POMGNT1: variants seen among roughly 807,000 people sequenced by gnomAD.
POMGNT1 encodes the protein protein O-linked mannose N-acetylglucosaminyltransferase 1 (beta 1,2-).
A neutral mutation model predicts 95.6 loss-of-function variants in POMGNT1; 67 were observed. The observed-to-expected ratio is 0.70, with a 90% CI of 0.58 to 0.86. The LOEUF is 0.86. POMGNT1 is among the 40% of genes least tolerant of loss of function. The pLI is 0.00. For synonymous variants in POMGNT1, 298 were observed against 317.9 expected (o/e 0.94, Z 0.66); for missense variants, 719 against 855.2 (o/e 0.84, Z 1.99).
chr1:46,214,845 G>A (rs567551956), intron 1 of POMGNT1, among the ~76,000 whole-genome samples: 1 of 138,654 alleles, frequency 7.2e-6, no homozygotes, highest in East Asian at 2.2e-4. Flanking sequence ...CCAGCCTGGG[G>A]GACAAGAGTG....
chr1:46,212,421 C>T (rs920625409), intron 1 of POMGNT1, among the ~76,000 whole-genome samples: 1 of 151,854 alleles, frequency 6.6e-6, no homozygotes, highest in African/African-American at 2.4e-5. Flanking sequence ...GCTGGGACTA[C>T]AGGCGTACAC....
upstream of POMGNT1, chr1:46,203,318 C>G (rs941939208): frequency 1.5e-5 from 13 of 869,338 alleles, no homozygotes; most frequent in African/African-American, 1.8e-5. Context: ...CCGCGCCGCG[C>G]GGGCGGGGAC....
At chr1:46,219,252 G>A (rs977684183) in intron 1 of POMGNT1, among the ~76,000 whole-genome samples, 20 of 149,956 alleles carry the variant, frequency 1.3e-4, no homozygotes, top group South Asian at 8.4e-4. Flanking sequence ...CTGAGATCGC[G>A]CCATTGCACT....
intron 14 of POMGNT1, 29 bp downstream of exon 14, chr1:46,192,871 C>T (rs776827017): frequency 1.2e-6 from 2 of 1,613,882 alleles, no homozygotes; most frequent in African/African-American, 2.7e-5. Context: ...ACTGAGGGAC[C>T]TCAACTGAAA....
intron 14 of POMGNT1, 98 bp from the exon 15 acceptor site, chr1:46,192,688 C>T: frequency 6.2e-7 from 1 of 1,600,742 alleles, no homozygotes; most frequent in African/African-American, 1.3e-5. Flanking sequence ...AGGAGCACCT[C>T]CTTCCTGGAG....
chr1:46,193,742 T>G, intron 10 of POMGNT1, 103 bp from the exon 11 acceptor site: 8 of 1,597,660 alleles, frequency 5.0e-6, no homozygotes, highest in Non-Finnish European at 6.8e-6. Flanking sequence ...CCCACAGAGG[T>G]GAATGCGTCT....
At chr1:46,198,176 G>A (rs1469896648) in intron 1 of POMGNT1, 160 bp downstream of exon 1, 1 of 298,594 alleles carries the variant, frequency 3.3e-6, no homozygotes, top group African/African-American at 2.2e-5. Context: ...CAAGCCTGTG[G>A]TGAGCAAAGA....
Position 46,196,711 on chromosome 1 carries a change from C to A in POMGNT1, c.354+20G>T. 6.2e-7 allele frequency: 1 copy of A among 1,614,048 alleles called. No individual in the cohort carries two copies. On this transcript the variant is annotated intron_variant, in intron 4 of 21. Coordinates refer to ENST00000371984, the MANE Select transcript of POMGNT1 (RefSeq NM_017739.4). This position sits in a 1 kb window ranked among gnomAD's most constrained non-coding sequence, Gnocchi z 4.4. ...CTGAGCAGAATAGAGTGACTGTACA[C>A]CAGACCCTGGCCCACTGACCGTGGT... is the stretch of plus-strand genomic sequence containing the variant.
At position 46,215,813 on chromosome 1, in the gene POMGNT1, C is replaced by G. The variant is rs142059142; in HGVS notation, c.-51+3892G>C. ...TTAGGAGGCTGAGGCAGGAGGGTTG[C>G]TTGAGCTCAGGGGATCAAGGCTGTA... On this transcript the variant is annotated intron_variant, in intron 1 of 22. Transcript: ENST00000371992. Among the ~76,000 whole-genome samples, 592 of 152,220 alleles carry G rather than the reference C, an allele frequency of 3.9e-3. 5 individuals are homozygous for G. The highest frequency in any genetic ancestry group is 0.017 in the Middle Eastern group (5 of 294).
At chr1:46,201,789 T>C (rs1658542332), upstream of POMGNT1, among the ~76,000 whole-genome samples, 1 of 151,256 alleles carries the variant, frequency 6.6e-6, no homozygotes, top group African/African-American at 2.4e-5. Context: ...GTTAAACCCA[T>C]ATATCCATAT....
In POMGNT1 at chr1:46,215,642, T is replaced by C. The variant is rs10047046; in HGVS notation, c.-51+4063A>G. The stretch of plus-strand genomic sequence containing the variant: ...GGCTGGGTGCCATGGCACATGCCTC[T>C]AATCCCAGCACTCTGGGAGGCCAAG... On this transcript the variant is annotated intron_variant, in intron 1 of 22. Coordinates refer to the POMGNT1 transcript ENST00000371992. Among the ~76,000 whole-genome samples, 1,051 of 152,336 alleles carry C rather than the reference T, an allele frequency of 6.9e-3. 16 individuals carry two copies. The highest frequency in any genetic ancestry group is 0.024 in the African/African-American group (1,000 of 41,574).
At chr1:46,210,814 G>C (rs1264991387) in intron 1 of POMGNT1, among the ~76,000 whole-genome samples, 1 of 152,004 alleles carries the variant, frequency 6.6e-6, no homozygotes, top group Non-Finnish European at 1.5e-5. Flanking sequence ...TGGTTCTGTT[G>C]CCCAGGTTGG....
chr1:46,208,824 G>A (rs185719378), intron 1 of POMGNT1, among the ~76,000 whole-genome samples: 2 of 152,108 alleles, frequency 1.3e-5, no homozygotes, highest in East Asian at 3.9e-4. Flanking sequence ...CTGGACGACT[G>A]TGCAAAACTC....
At chr1:46,208,950 A>G (rs1196717642) in intron 1 of POMGNT1, among the ~76,000 whole-genome samples, 1 of 152,242 alleles carries the variant, frequency 6.6e-6, no homozygotes, top group Non-Finnish European at 1.5e-5. Flanking sequence ...GAAATTCAGA[A>G]GGAAGAGTGG....
At chr1:46,191,587 T>G (rs1282065215) in intron 17 of POMGNT1, 4 of 228,036 alleles carry the variant, frequency 1.8e-5, no homozygotes, top group Non-Finnish European at 2.6e-5. Flanking sequence ...TTACATATAT[T>G]GACTCATTTA....
intron 1 of POMGNT1, among the ~76,000 whole-genome samples, chr1:46,218,659 T>A (rs942893943): frequency 3.9e-5 from 6 of 152,166 alleles, no homozygotes; most frequent in Non-Finnish European, 8.8e-5. Context: ...AGAGACAGGT[T>A]CAGACTTGTG....
At chr1:46,200,309 T>C (rs768252983), upstream of POMGNT1, among the ~76,000 whole-genome samples, 7 of 152,242 alleles carry the variant, frequency 4.6e-5, no homozygotes, top group African/African-American at 1.2e-4. Context: ...CAAACTGACA[T>C]TGGCAGTTCT....
intron 1 of POMGNT1, among the ~76,000 whole-genome samples, chr1:46,209,105 A>G (rs1263042343): frequency 6.6e-6 from 1 of 150,452 alleles, no homozygotes; most frequent in African/African-American, 2.4e-5. Flanking sequence ...GCTCACCGCA[A>G]CCTCCGCCTC....
chr1:46,202,978 C>T (rs1296011363), upstream of POMGNT1, among the ~76,000 whole-genome samples: 1 of 132,800 alleles, frequency 7.5e-6, no homozygotes, highest in Non-Finnish European at 1.5e-5. Context: ...ATCCAGTCAT[C>T]GTTTTATACC....
Sources: gnomAD v4.1 joint callset for allele counts (sites outside exome capture counted in the v4.1 genomes callset) on GRCh38, gnomAD v4.1.1 for gene constraint, Gnocchi (gnomAD v3.1) non-coding constraint, MANE v1.5 for transcripts, NCBI Gene and HGNC (gene_info 2026-07-23, HGNC 2026-07-21) for gene names.